The following UBAC2 variants were observed in gnomAD, a reference collection of about 807,000 sequenced individuals.
UBAC2 encodes ubiquitin-associated domain-containing protein 2.
A neutral mutation model predicts 44.0 loss-of-function variants in UBAC2; 26 were observed. The observed-to-expected ratio is 0.59, with a 90% CI of 0.43 to 0.82. The LOEUF is 0.82. Among genes scored for constraint, UBAC2 ranks in the 40% least tolerant of loss-of-function variants. The pLI, the probability that UBAC2 is intolerant of heterozygous loss-of-function variation, is 0.00. For missense variants in UBAC2, 329 were observed against 419.4 expected (o/e 0.78, Z 1.88); for synonymous variants, 155 against 154.3 (o/e 1.00, Z -0.04).
intron 2 of UBAC2, among the ~76,000 whole-genome samples, chr13:99,241,737 T>A (rs955324879): frequency 5.9e-5 from 9 of 151,552 alleles, no homozygotes; most frequent in Admixed American, 3.3e-4. Flanking sequence ...TTTTTTTTTT[T>A]TTCAACTTTT....
At chr13:99,253,755 C>T (rs1050860385) in intron 4 of UBAC2, among the ~76,000 whole-genome samples, 1 of 152,140 alleles carries the variant, frequency 6.6e-6, no homozygotes, top group Non-Finnish European at 1.5e-5. Context: ...CTCAAGTGAT[C>T]CGTCCACCTC....
intron 8 of UBAC2, among the ~76,000 whole-genome samples, chr13:99,371,813 G>A (rs529321444): frequency 6.6e-6 from 1 of 152,342 alleles, no homozygotes; most frequent in Non-Finnish European, 1.5e-5. Context: ...AAACCTGGTA[G>A]ACATGAAATG....
intron 7 of UBAC2, among the ~76,000 whole-genome samples, chr13:99,344,897 T>C (rs941083319): frequency 6.6e-6 from 1 of 152,238 alleles, no homozygotes; most frequent in Non-Finnish European, 1.5e-5. Context: ...CGTGAGTTTG[T>C]GGCCAACTTC....
chr13:99,352,087 T>C (rs1923897), intron 7 of UBAC2, among the ~76,000 whole-genome samples: 80,478 of 152,092 alleles, frequency 0.53, 23,043 homozygotes, highest in Non-Finnish European at 0.66. Context: ...GAGGCAGATC[T>C]GCCCTGTCAA....
chr13:99,306,890 C>T (rs1309077674), intron 4 of UBAC2, among the ~76,000 whole-genome samples: 1 of 152,006 alleles, frequency 6.6e-6, no homozygotes, highest in African/African-American at 2.4e-5. Flanking sequence ...ATACCCTTTG[C>T]CCTAGGAATT....
Position 99,342,704 on chromosome 13 carries a change from A to C in UBAC2, c.807+2139A>C, listed in dbSNP as rs571391321. ...GATGCCCGTGGTGGGCACGACCTGC[A>C]AGACACTTGATGCTGTTCCTTTAGC... On this transcript the variant is annotated intron_variant, in intron 7 of 8. Coordinates refer to ENST00000403766, the MANE Select transcript of UBAC2 (RefSeq NM_001144072.2). 4.5e-3 allele frequency among the ~76,000 whole-genome samples: 687 copies of C among 152,178 alleles called. 2 individuals are homozygous for C. The highest frequency in any genetic ancestry group is 6.3e-3 in the Non-Finnish European group (427 of 67,994).
intron 7 of UBAC2, among the ~76,000 whole-genome samples, chr13:99,365,685 A>G (rs539017332): frequency 5.3e-5 from 8 of 152,296 alleles, no homozygotes; most frequent in Admixed American, 1.3e-4. Context: ...CTAGTACACA[A>G]TTACTTTGTA....
chr13:99,216,082 T>TGTGTG (rs1566450747), intron 1 of UBAC2, among the ~76,000 whole-genome samples: 1,515 of 148,852 alleles, frequency 0.01, 8 homozygotes, highest in Non-Finnish European at 0.014. Flanking sequence ...CAACCTATAT[T>TGTGTG]TGTGTGTGTG....
intron 8 of UBAC2, among the ~76,000 whole-genome samples, chr13:99,375,080 T>G (rs1280357619): frequency 6.6e-6 from 1 of 152,148 alleles, no homozygotes; most frequent in East Asian, 1.9e-4. Flanking sequence ...GGTACTCAAA[T>G]AGTAACCAAC....
chr13:99,263,424 T>G (rs1231144402), intron 4 of UBAC2, among the ~76,000 whole-genome samples: 1 of 152,148 alleles, frequency 6.6e-6, no homozygotes, highest in African/African-American at 2.4e-5. Context: ...TTATTAATAA[T>G]TGGGAAAATG....
intron 1 of UBAC2, among the ~76,000 whole-genome samples, chr13:99,213,737 A>T (rs1486754022): frequency 2.6e-5 from 4 of 152,222 alleles, no homozygotes; most frequent in African/African-American, 9.6e-5. Flanking sequence ...ACATCTTTGT[A>T]ACTAAGTTAT....
intron 1 of UBAC2, among the ~76,000 whole-genome samples, chr13:99,229,272 A>C (rs1381930722): frequency 1.3e-5 from 2 of 152,258 alleles, no homozygotes; most frequent in African/African-American, 2.4e-5. Context: ...GGAGGAAAGT[A>C]GAAACAACTG....
At chr13:99,304,234 CTG>C (rs1448804131) in intron 4 of UBAC2, among the ~76,000 whole-genome samples, 3 of 152,196 alleles carry the variant, frequency 2.0e-5, no homozygotes, top group Non-Finnish European at 4.4e-5. Flanking sequence ...CCTCACAACT[CTG>C]TGCCCGGTAA....
intron 4 of UBAC2, among the ~76,000 whole-genome samples, chr13:99,279,498 T>C (rs2043925872): frequency 6.6e-6 from 1 of 152,198 alleles, no homozygotes; most frequent in South Asian, 2.1e-4. Flanking sequence ...TCACTATAGA[T>C]AGTAAATAAG....
At chr13:99,280,185 C>G (rs2043933709) in intron 4 of UBAC2, among the ~76,000 whole-genome samples, 1 of 152,164 alleles carries the variant, frequency 6.6e-6, no homozygotes, top group Non-Finnish European at 1.5e-5. Flanking sequence ...TGAGAAATCT[C>G]CTATGGCTTC....
In UBAC2 at chr13:99,295,018, G is replaced by T; in HGVS notation, c.390-19079G>T. The T allele has an allele frequency of 1.9e-6, 3 of 1,560,476 alleles. No homozygotes were observed. Among genetic ancestry groups the T allele is most frequent in the Non-Finnish European group, 2.6e-6 (3 of 1,155,206 alleles). ...TTATAAGGGAAGTCCTGCAAAGTTTGTCATACAGTTTACGTCACTATAAAC... is the reference window on the plus strand; with the variant it reads ...TTATAAGGGAAGTCCTGCAAAGTTTTTCATACAGTTTACGTCACTATAAAC... On this transcript the variant is annotated intron_variant, in intron 4 of 8. Coordinates refer to ENST00000403766, the MANE Select transcript of UBAC2 (RefSeq NM_001144072.2). This position sits in a 1 kb window ranked among gnomAD's most constrained non-coding sequence, Gnocchi z 4.1.
At position 99,200,953 on chromosome 13, in the gene UBAC2, T is replaced by A; in HGVS notation, c.31+14T>A. 7.7e-7 allele frequency: 1 copy of A among 1,305,728 alleles called. No individual in the cohort carries two copies. Among genetic ancestry groups the A allele is most frequent in the Middle Eastern group, 2.0e-4 (1 of 4,920 alleles). The allele number at this position is 1,305,728 out of a possible 1,614,324, so 80.9% of individuals were successfully genotyped here. A position where few individuals can be genotyped will look rare whatever the true frequency, so the allele number is the denominator to read the frequency against. ...CCAGTGGGCTCTGTGAGTACCGGCC[T>A]CCGCCATCCTGGCTGCCCCCTACAC... On this transcript the variant is annotated intron_variant, in intron 1 of 8. Transcript: ENST00000403766.
intron 7 of UBAC2, among the ~76,000 whole-genome samples, chr13:99,357,791 C>A (rs1316559037): frequency 6.6e-6 from 1 of 152,208 alleles, no homozygotes; most frequent in African/African-American, 2.4e-5. Flanking sequence ...TCATTAGTAA[C>A]CCATCACCTG....
chr13:99,255,536 C>T (rs771212065), intron 4 of UBAC2: 2 of 1,614,122 alleles, frequency 1.2e-6, no homozygotes, highest in Non-Finnish European at 1.7e-6. Context: ...CTAATAAAGG[C>T]AAGAAGCCAT....
Sources: allele counts gnomAD v4.1 joint callset (sites outside exome capture counted in the v4.1 genomes callset), GRCh38; gene constraint gnomAD v4.1.1; non-coding constraint Gnocchi (gnomAD v3.1); transcripts MANE v1.5; gene names NCBI Gene and HGNC (gene_info 2026-07-23, HGNC 2026-07-21).